ZNF608: variants seen among roughly 807,000 people sequenced by gnomAD.
The protein encoded by ZNF608 is renal carcinoma antigen NY-REN-36.
A neutral mutation model predicts 109.0 loss-of-function variants in ZNF608; 12 were observed. The observed-to-expected ratio is 0.11, with a 90% CI of 0.07 to 0.18. The LOEUF is 0.18. ZNF608 is among the 10% of genes least tolerant of loss of function. The pLI is 1.00. For missense variants in ZNF608, 1,707 were observed against 1,879.3 expected (o/e 0.91, Z 1.70); for synonymous variants, 732 against 717.4 (o/e 1.02, Z -0.33).
intron 3 of ZNF608, among the ~76,000 whole-genome samples, chr5:124,692,676 G>A (rs1413162486): frequency 1.3e-5 from 2 of 152,222 alleles, no homozygotes; most frequent in South Asian, 4.1e-4. Context: ...GGAATTGTAT[G>A]AAGAGCAAGG....
intron 9 of ZNF608, among the ~76,000 whole-genome samples, chr5:124,638,455 C>G (rs1750082116): frequency 6.6e-6 from 1 of 152,148 alleles, no homozygotes; most frequent in Non-Finnish European, 1.5e-5. Flanking sequence ...TGGGGTTTCA[C>G]CATGTTGGCC....
chr5:124,729,389 C>A (rs1360161423), intron 2 of ZNF608, among the ~76,000 whole-genome samples: 1 of 152,228 alleles, frequency 6.6e-6, no homozygotes, highest in East Asian at 1.9e-4. Flanking sequence ...GGTGAGGTAC[C>A]TAACAATGCC....
intron 9 of ZNF608, among the ~76,000 whole-genome samples, chr5:124,638,499 C>T (rs1353557010): frequency 1.3e-5 from 2 of 152,110 alleles, no homozygotes; most frequent in Non-Finnish European, 2.9e-5. Context: ...TCAGGTGATC[C>T]ACCTGCATGA....
At chr5:124,666,157 G>T (rs1221743722) in intron 3 of ZNF608, 1 of 152,206 alleles carries the variant, frequency 6.6e-6, no homozygotes, top group Non-Finnish European at 1.5e-5. Context: ...AAATCTTAAA[G>T]CCATAGTTTT....
intron 8 of ZNF608, among the ~76,000 whole-genome samples, chr5:124,639,700 A>C (rs1750150022): frequency 1.3e-5 from 2 of 152,228 alleles, no homozygotes; most frequent in South Asian, 2.1e-4. Flanking sequence ...AAATGCTCTT[A>C]ACTTTCACCC....
intron 3 of ZNF608, among the ~76,000 whole-genome samples, chr5:124,694,028 T>A (rs1372607158): frequency 7.4e-6 from 1 of 135,746 alleles, no homozygotes; most frequent in Non-Finnish European, 1.5e-5. Context: ...CAGGCTAGAG[T>A]GCAGTGGCGC....
At chr5:124,737,186 G>A (rs1187617087) in intron 2 of ZNF608, among the ~76,000 whole-genome samples, 2 of 152,168 alleles carry the variant, frequency 1.3e-5, no homozygotes, top group Non-Finnish European at 2.9e-5. Flanking sequence ...AAATCATTAT[G>A]TACAACACAA....
At chr5:124,675,073 CA>C (rs1367493442) in intron 3 of ZNF608, among the ~76,000 whole-genome samples, 1 of 152,022 alleles carries the variant, frequency 6.6e-6, no homozygotes, top group Non-Finnish European at 1.5e-5. Flanking sequence ...TAATTAAAAA[CA>C]AATAAATTAA....
intron 1 of ZNF608, among the ~76,000 whole-genome samples, chr5:124,745,680 T>C (rs1044929620): frequency 1.3e-5 from 2 of 152,210 alleles, no homozygotes; most frequent in African/African-American, 2.4e-5. Flanking sequence ...TTTCCTTATT[T>C]CTAATTTAGG....
At chr5:124,712,400 C>T (rs1302027737) in intron 2 of ZNF608, among the ~76,000 whole-genome samples, 1 of 152,074 alleles carries the variant, frequency 6.6e-6, no homozygotes, top group African/African-American at 2.4e-5. Context: ...ATCTCTGTGA[C>T]CCCTGGCAGA....
Position 124,648,905 on chromosome 5 carries a change from G to A in ZNF608, c.1479C>T (p.Ser493=), listed in dbSNP as rs1750659978. 6.2e-7 allele frequency: 1 copy of A among 1,613,984 alleles called. No individual in the cohort carries two copies. The highest frequency in any genetic ancestry group is 1.3e-5 in the African/African-American group (1 of 74,924). Residue 493 remains serine, a synonymous_variant, in exon 5 of 10, where the codon AGC becomes AGT. Transcript: ENST00000513986. ...PNCAAEDIKA[S]PSSTNKRKNK... ...TTTTCCTTTTGTTGGTGGAGGAAGG[G>A]CTGGCTTTGATATCCTCAGCAGCAC...
rs866925123 is a variant in ZNF608 at position 124,647,275 on chromosome 5, C to G, written c.3109G>C (p.Asp1037His). ...GMKIKKESEE[D>H]AEKKDKAEQL... ...TCTGCCTTGTCTTTCTTTTCAGCATCTTCCTCAGACTCCTTCTTGATCTTC... is the reference window on the plus strand; with the variant it reads ...TCTGCCTTGTCTTTCTTTTCAGCATGTTCCTCAGACTCCTTCTTGATCTTC... Residue 1037 changes from aspartate to histidine, a missense_variant, in exon 5 of 10, where the codon GAT (aspartate) becomes CAT (histidine). Around this residue, in one of 7 missense-constraint regions of ZNF608, gnomAD observed 1,073 missense variants for 1,133.5 expected, o/e 0.95. Transcript: ENST00000513986. 1 of 1,614,224 alleles carries G rather than the reference C, an allele frequency of 6.2e-7. No homozygotes were observed.
chr5:124,721,055 GAC>G (rs1454298849), intron 2 of ZNF608, among the ~76,000 whole-genome samples: 2 of 152,102 alleles, frequency 1.3e-5, no homozygotes, highest in African/African-American at 4.8e-5. Context: ...AGGATGCCAT[GAC>G]AGTTTGTTAT....
chr5:124,731,140 A>AT (rs200404214), intron 2 of ZNF608, among the ~76,000 whole-genome samples: 9 of 151,910 alleles, frequency 5.9e-5, no homozygotes, highest in Middle Eastern at 3.2e-3. Flanking sequence ...GTAAGACATG[A>AT]TTTTTTTTTA....
upstream of ZNF608, chr5:124,746,857 A>G: frequency 2.3e-6 from 2 of 884,290 alleles, no homozygotes; most frequent in Non-Finnish European, 2.7e-6. Flanking sequence ...AAACTGGGCA[A>G]GAGGAGAAAA....
intron 3 of ZNF608, among the ~76,000 whole-genome samples, chr5:124,665,756 T>G (rs1002689868): frequency 2.0e-5 from 3 of 152,192 alleles, no homozygotes; most frequent in Non-Finnish European, 4.4e-5. Context: ...GTAGAAGCTC[T>G]AAACACAGCC....
chr5:124,693,974 C>CTTTTTGTTTTTTTTTT (rs1752723931), intron 3 of ZNF608, among the ~76,000 whole-genome samples: 1 of 60,934 alleles, frequency 1.6e-5, no homozygotes, highest in Non-Finnish European at 2.7e-5. Context: ...TTTCATTAAT[C>CTTTTTGTTTTTTTTTT]TTTTTTTTTT....
At position 124,746,294 on chromosome 5, in the gene ZNF608, A is replaced by G; in HGVS notation, c.-283T>C. The stretch of plus-strand genomic sequence containing the variant: ...CTGTGCCTCATTTTACTTAAACACC[A>G]AATGATCAAGAAGGAAGAAACCAAA... On this transcript the variant is annotated 5_prime_UTR_variant, in exon 1 of 10. Transcript: ENST00000513986. 2 of 985,398 alleles carry G rather than the reference A, an allele frequency of 2.0e-6. No homozygotes were observed. Among genetic ancestry groups the G allele is most frequent in the Non-Finnish European group, 1.2e-6 (1 of 829,922 alleles). The allele number at this position is 985,398 out of a possible 1,614,324, so 61.0% of individuals were successfully genotyped here. A position where few individuals can be genotyped will look rare whatever the true frequency, so the allele number is the denominator to read the frequency against.
chr5:124,710,391 CT>C (rs1753440828), intron 2 of ZNF608: 1 of 368,332 alleles, frequency 2.7e-6, no homozygotes, highest in Admixed American at 3.7e-5. Context: ...TCAAAACATG[CT>C]GGTCATAACA....
Sources: allele counts gnomAD v4.1 joint callset (sites outside exome capture counted in the v4.1 genomes callset), GRCh38; gene constraint gnomAD v4.1.1; regional missense constraint gnomAD v4.1.1; transcripts MANE v1.5; gene names NCBI Gene and HGNC (gene_info 2026-07-23, HGNC 2026-07-21).